The following CLASP1 variants were observed in gnomAD, a reference collection of about 807,000 sequenced individuals.
CLASP1 encodes CLIP-associating protein 1.
CLASP1 carries 38 observed loss-of-function variants against 192.3 expected under a neutral mutation model. That is an observed-to-expected ratio of 0.20 (90% CI 0.15 to 0.26). The LOEUF (loss-of-function observed/expected upper bound fraction) is 0.26. CLASP1 is among the 10% of genes least tolerant of loss of function. CLASP1 has a pLI of 1.00. For synonymous variants in CLASP1, 691 were observed against 712.8 expected (o/e 0.97, Z 0.49); for missense variants, 1,433 against 1,932.5 (o/e 0.74, Z 4.85).
chr2:121,561,851 T>C lies in CLASP1; in HGVS notation c.196-31526A>G, dbSNP rs543202456. On this transcript the variant is annotated intron_variant, in intron 2 of 39. Coordinates refer to ENST00000263710, the Ensembl canonical transcript of CLASP1. ...CACTATTCTCCCTTGAAGAAAATCATCAGTTTCCTACCTTTGAGTGGCTTA... is the reference window on the plus strand; with the variant it reads ...CACTATTCTCCCTTGAAGAAAATCACCAGTTTCCTACCTTTGAGTGGCTTA... Among the ~76,000 whole-genome samples the C allele has an allele frequency of 1.1e-4, 16 of 152,334 alleles. No individual in the cohort carries two copies. The South Asian group carries it at 2.9e-3, about 28-fold the overall frequency.
intron 1 of CLASP1, among the ~76,000 whole-genome samples, chr2:121,644,193 C>A (rs1029690024): frequency 4.6e-5 from 7 of 152,182 alleles, no homozygotes; most frequent in Non-Finnish European, 1.0e-4. Flanking sequence ...GATTATTTAA[C>A]TGGCCTAAAA....
chr2:121,376,239 T>C (rs960644758), intron 34 of CLASP1, among the ~76,000 whole-genome samples: 7 of 152,198 alleles, frequency 4.6e-5, no homozygotes, highest in African/African-American at 1.2e-4. Flanking sequence ...ATGTTTGTTA[T>C]AGCACTATTC....
intron 37 of CLASP1, among the ~76,000 whole-genome samples, chr2:121,356,323 G>T (rs780471921): frequency 1.3e-5 from 2 of 152,170 alleles, no homozygotes; most frequent in Middle Eastern, 3.2e-3. Flanking sequence ...GTATCCACCA[G>T]TAGACTGGGG....
At chr2:121,523,016 T>G (rs1013512397) in intron 6 of CLASP1, among the ~76,000 whole-genome samples, 1 of 152,094 alleles carries the variant, frequency 6.6e-6, no homozygotes, top group African/African-American at 2.4e-5. Context: ...GAATATTCAC[T>G]TGCAAGGACT....
At chr2:121,384,385 A>C (rs985409460) in intron 32 of CLASP1, among the ~76,000 whole-genome samples, 3 of 151,866 alleles carry the variant, frequency 2.0e-5, no homozygotes, top group African/African-American at 7.3e-5. Context: ...ACAGGATCTC[A>C]CTATGTTGCC....
At chr2:121,569,896 T>C (rs1296216427) in intron 2 of CLASP1, among the ~76,000 whole-genome samples, 1 of 152,182 alleles carries the variant, frequency 6.6e-6, no homozygotes, top group Non-Finnish European at 1.5e-5. Flanking sequence ...ATGGCCAACC[T>C]TGTTTGTAAA....
At chr2:121,460,914 T>C (rs2087799839) in intron 11 of CLASP1, among the ~76,000 whole-genome samples, 187 bp downstream of exon 11, 1 of 152,142 alleles carries the variant, frequency 6.6e-6, no homozygotes. Flanking sequence ...AGGTGTAAGT[T>C]GGTGTGTTTT....
At chr2:121,594,222 C>T (rs972421688) in intron 2 of CLASP1, among the ~76,000 whole-genome samples, 3 of 150,696 alleles carry the variant, frequency 2.0e-5, no homozygotes, top group African/African-American at 7.3e-5. Context: ...ATGGCGTGAA[C>T]CCGGGAGGCG....
In CLASP1 at chr2:121,551,742, A is replaced by G. The variant is rs573213317; in HGVS notation, c.196-21417T>C. Among the ~76,000 whole-genome samples, 6 of 152,370 alleles carry G rather than the reference A, an allele frequency of 3.9e-5. No individual in the cohort carries two copies. In the East Asian group the frequency reaches 9.6e-4, roughly 24 times the overall value. ...AAAATATCCCATGCCCATGGATAGGAAGAATCAGTATCATTAAATGGCCAT... is the reference window on the plus strand; with the variant it reads ...AAAATATCCCATGCCCATGGATAGGGAGAATCAGTATCATTAAATGGCCAT... On this transcript the variant is annotated intron_variant, in intron 2 of 39. Transcript: ENST00000263710.
chr2:121,425,113 A>G, intron 22 of CLASP1, 26 bp downstream of exon 22: 4 of 1,580,248 alleles, frequency 2.5e-6, no homozygotes, highest in Non-Finnish European at 3.4e-6. Context: ...TGGGAATGGT[A>G]TTCCAAGATC....
chr2:121,607,821 T>A lies in CLASP1; in HGVS notation c.-285-1641A>T, dbSNP rs533723729. On this transcript the variant is annotated intron_variant, in intron 1 of 39. Transcript: ENST00000263710. ...ACACAGCAATTCTCTCCCTTTCTAA[T>A]ACCACCCCATCCCCACCCCTAATCT... Among the ~76,000 whole-genome samples the A allele has an allele frequency of 1.1e-4, 16 of 152,288 alleles. No individual in the cohort carries two copies. The South Asian group carries it at 1.2e-3, about 12-fold the overall frequency.
intron 1 of CLASP1, among the ~76,000 whole-genome samples, chr2:121,631,521 C>G (rs915034908): frequency 6.6e-6 from 1 of 151,936 alleles, no homozygotes; most frequent in Non-Finnish European, 1.5e-5. Flanking sequence ...CTCTTGACCT[C>G]GTGATCTGCC....
chr2:121,498,787 A>T (rs996612358), intron 8 of CLASP1, among the ~76,000 whole-genome samples: 3 of 152,246 alleles, frequency 2.0e-5, no homozygotes, highest in African/African-American at 7.2e-5. Context: ...CAAGCAAGGT[A>T]TTTAAAGGGC....
chr2:121,510,480 A>G (rs2094097772), intron 7 of CLASP1, among the ~76,000 whole-genome samples: 2 of 152,228 alleles, frequency 1.3e-5, no homozygotes, highest in Admixed American at 1.3e-4. Flanking sequence ...CAAGCTACCA[A>G]AACTGATTTG....
At chr2:121,615,078 G>A (rs980620682) in intron 1 of CLASP1, among the ~76,000 whole-genome samples, 3 of 152,198 alleles carry the variant, frequency 2.0e-5, no homozygotes, top group African/African-American at 4.8e-5. Flanking sequence ...AGTGGCTCAC[G>A]CCTGTAATCC....
intron 6 of CLASP1, 64 bp downstream of exon 6, chr2:121,525,781 A>C: frequency 8.8e-7 from 1 of 1,132,484 alleles, no homozygotes. Flanking sequence ...ACTACGGAAC[A>C]CCAGAATGCA....
chr2:121,462,415 G>A (rs972873679), intron 10 of CLASP1, 117 bp downstream of exon 10: 4 of 610,450 alleles, frequency 6.6e-6, no homozygotes, highest in African/African-American at 5.6e-5. Context: ...CTCCTGTAGT[G>A]CTGACAGTTA....
At chr2:121,374,515 G>A (rs984947969) in intron 34 of CLASP1, among the ~76,000 whole-genome samples, 1 of 152,202 alleles carries the variant, frequency 6.6e-6, no homozygotes, top group African/African-American at 2.4e-5. Flanking sequence ...ATCCCAGAAC[G>A]GTAGATCCAC....
intron 2 of CLASP1, among the ~76,000 whole-genome samples, chr2:121,589,231 T>C (rs2062083784): frequency 6.6e-6 from 1 of 152,202 alleles, no homozygotes; most frequent in Admixed American, 6.5e-5. Flanking sequence ...CTGACCATCA[T>C]TTTCTTTACA....
Sources: gnomAD v4.1 joint callset for allele counts (sites outside exome capture counted in the v4.1 genomes callset) on GRCh38, gnomAD v4.1.1 for gene constraint, MANE v1.5 for transcripts, NCBI Gene and HGNC (gene_info 2026-07-23, HGNC 2026-07-21) for gene names.